Variants in GRIK2 observed in about 807,000 individuals in gnomAD.
The protein encoded by GRIK2 is glutamate ionotropic receptor kainate type subunit 2.
Under a neutral mutation model 100.3 loss-of-function variants are expected in GRIK2, and 32 were observed. That is an observed-to-expected ratio of 0.32 (90% CI 0.24 to 0.43). GRIK2 has a LOEUF of 0.43. GRIK2 is among the 20% of genes least tolerant of loss of function. The probability of loss-of-function intolerance (pLI) is 1.00; values close to 1 mark genes in which losing one functional copy is unlikely to be tolerated. For missense variants in GRIK2, 843 were observed against 1,114.9 expected (o/e 0.76, Z 3.47); for synonymous variants, 417 against 389.4 (o/e 1.07, Z -0.83).
intron 10 of GRIK2, among the ~76,000 whole-genome samples, chr6:101,858,390 T>TC (rs1784548565): frequency 3.5e-5 from 5 of 143,384 alleles, no homozygotes; most frequent in South Asian, 4.6e-4. Context: ...TTTTTTCTTT[T>TC]TTTTTTTTTT....
intron 14 of GRIK2, among the ~76,000 whole-genome samples, chr6:101,955,644 G>T (rs1443078540): frequency 7.2e-6 from 1 of 138,056 alleles, no homozygotes; most frequent in Non-Finnish European, 1.5e-5. Flanking sequence ...AGTCAGATTT[G>T]GTAGTTTGTG....
intron 14 of GRIK2, among the ~76,000 whole-genome samples, chr6:101,966,559 G>A (rs1156516391): frequency 6.6e-6 from 1 of 152,060 alleles, no homozygotes; most frequent in Non-Finnish European, 1.5e-5. Context: ...GGACCTGAAT[G>A]TTCTAGTCAT....
intron 13 of GRIK2, among the ~76,000 whole-genome samples, chr6:101,925,513 C>G (rs921239862): frequency 6.8e-6 from 1 of 148,090 alleles, no homozygotes; most frequent in Non-Finnish European, 1.5e-5. Flanking sequence ...CTATGCTAGA[C>G]CTATTACTCA....
At chr6:101,476,710 T>C (rs1437763912) in intron 2 of GRIK2, among the ~76,000 whole-genome samples, 1 of 152,182 alleles carries the variant, frequency 6.6e-6, no homozygotes. Flanking sequence ...TTGAGGTTCA[T>C]TTTGATGGCC....
intron 2 of GRIK2, chr6:101,430,829 A>G: frequency 3.5e-6 from 1 of 286,588 alleles, no homozygotes; most frequent in Non-Finnish European, 7.4e-6. Context: ...AGTCTAGGGC[A>G]GCATAGCACA....
intron 16 of GRIK2, among the ~76,000 whole-genome samples, chr6:102,068,126 G>A (rs866009813): frequency 2.6e-5 from 4 of 151,696 alleles, no homozygotes; most frequent in Admixed American, 1.3e-4. Flanking sequence ...TTTCAGTATC[G>A]GGTGGAGATT....
At chr6:101,724,121 C>A (rs78218812) in intron 7 of GRIK2, among the ~76,000 whole-genome samples, 1,924 of 151,320 alleles carry the variant, frequency 0.013, 151 homozygotes, top group African/African-American at 0.045. Context: ...TTTCACTTTT[C>A]AAAATACCTC....
At position 101,399,401 on chromosome 6, in the gene GRIK2, C is replaced by T. The variant is rs774844576; in HGVS notation, c.115+9C>T. 40 of 1,328,262 alleles carry T rather than the reference C, an allele frequency of 3.0e-5. No homozygotes were observed. Among genetic ancestry groups the T allele is most frequent in the Admixed American group, 1.2e-4 (7 of 59,610 alleles). 82.3% of individuals were successfully genotyped at this position (1,328,262 alleles called of 1,614,324 possible). ...ACATGTATTAAGATTTGGTAAGATT[C>T]CCCATCTCTCTTGGTTGCCTGGTAT... On this transcript the variant is annotated intron_variant, in intron 2 of 16. Transcript: ENST00000369134.
intron 14 of GRIK2, among the ~76,000 whole-genome samples, chr6:102,000,088 G>A (rs1794856380): frequency 6.6e-6 from 1 of 151,784 alleles, no homozygotes; most frequent in South Asian, 2.1e-4. Flanking sequence ...TGTTCATGAG[G>A]GATATTGGTC....
chr6:102,066,854 C>T (rs1300501347), intron 16 of GRIK2, among the ~76,000 whole-genome samples: 9 of 151,504 alleles, frequency 5.9e-5, no homozygotes, highest in Non-Finnish European at 1.3e-4. Context: ...GTGGCGTAGA[C>T]GTAGAATTAG....
intron 4 of GRIK2, among the ~76,000 whole-genome samples, chr6:101,650,595 T>C (rs956554756): frequency 2.0e-5 from 3 of 152,118 alleles, no homozygotes; most frequent in African/African-American, 7.2e-5. Flanking sequence ...CAGGGTCTCT[T>C]TGAGGAGACT....
At chr6:101,443,392 C>A (rs965677220) in intron 2 of GRIK2, among the ~76,000 whole-genome samples, 1 of 151,956 alleles carries the variant, frequency 6.6e-6, no homozygotes, top group African/African-American at 2.4e-5. Context: ...TACAGAAAAG[C>A]ACTAAAAATA....
chr6:101,487,521 CAAAG>C lies in GRIK2; in HGVS notation c.115+88132_115+88135del, dbSNP rs1772891096. On this transcript the variant is annotated intron_variant, in intron 2 of 16. Coordinates refer to ENST00000369134, the MANE Select transcript of GRIK2 (RefSeq NM_021956.5). Reference sequence around the variant, plus strand: ...GGATACTTGTTTTCTATTCTTTTGACAAAGAACCTTCAGGGCCATCTTTTAAGAT... The same window carrying C: ...GGATACTTGTTTTCTATTCTTTTGACAACCTTCAGGGCCATCTTTTAAGAT... Among the ~76,000 whole-genome samples, 5 of 146,934 alleles carry C rather than the reference CAAAG, an allele frequency of 3.4e-5. 2 individuals are homozygous for C. The highest frequency in any genetic ancestry group is 2.1e-4 in the South Asian group (1 of 4,664).
intron 2 of GRIK2, among the ~76,000 whole-genome samples, chr6:101,571,666 A>T (rs2128299171): frequency 6.6e-6 from 1 of 152,254 alleles, no homozygotes; most frequent in South Asian, 2.1e-4. Context: ...TGATGTTTTT[A>T]AAATTGAGTA....
chr6:102,010,019 TA>T (rs1397236693), intron 14 of GRIK2, among the ~76,000 whole-genome samples: 1 of 152,112 alleles, frequency 6.6e-6, no homozygotes, highest in African/African-American at 2.4e-5. Flanking sequence ...CATATATAAA[TA>T]ATAAACTTTA....
chr6:101,495,818 T>A (rs1298319318), intron 2 of GRIK2, among the ~76,000 whole-genome samples: 2 of 152,184 alleles, frequency 1.3e-5, no homozygotes, highest in Non-Finnish European at 2.9e-5. Flanking sequence ...TTTTTTTTTT[T>A]AACATAAGAT....
rs192505011 is a variant in GRIK2, at chr6:102,028,920, G to T, written c.2086-6421G>T. Among the ~76,000 whole-genome samples the T allele has an allele frequency of 1.6e-3, 237 of 151,108 alleles. 1 individual carries two copies. The highest frequency in any genetic ancestry group is 2.2e-3 in the Non-Finnish European group (148 of 67,432). On this transcript the variant is annotated intron_variant, in intron 14 of 16. Transcript: ENST00000369134. Reference sequence around the variant, plus strand: ...TATCTTTTACTTGGCTACCCTCAAGGTGAGCTCTTTATGATCCTCTAATTT... The same window carrying T: ...TATCTTTTACTTGGCTACCCTCAAGTTGAGCTCTTTATGATCCTCTAATTT...
In GRIK2 at chr6:101,900,079, T is replaced by A. The variant is rs368642873; in HGVS notation, c.1748+10216T>A. 5.3e-5 allele frequency among the ~76,000 whole-genome samples: 8 copies of A among 152,168 alleles called. No individual in the cohort carries two copies. The East Asian group carries it at 7.7e-4, about 15-fold the overall frequency. On this transcript the variant is annotated intron_variant, in intron 12 of 16. Transcript: ENST00000369134. ...GAAATGTGTATTTATTTTAAAATGTTGATATTACTACTTCAATTTTCAATT... is the reference window on the plus strand; with the variant it reads ...GAAATGTGTATTTATTTTAAAATGTAGATATTACTACTTCAATTTTCAATT...
intron 10 of GRIK2, among the ~76,000 whole-genome samples, chr6:101,828,230 C>T (rs966711014): frequency 2.6e-5 from 4 of 151,550 alleles, no homozygotes; most frequent in Non-Finnish European, 4.4e-5. Flanking sequence ...TCTTTGAAAT[C>T]GGAAAATAGA....
Sources: gnomAD v4.1 joint callset for allele counts (sites outside exome capture counted in the v4.1 genomes callset) on GRCh38, gnomAD v4.1.1 for gene constraint, MANE v1.5 for transcripts, NCBI Gene and HGNC (gene_info 2026-07-23, HGNC 2026-07-21) for gene names.